The following ARHGAP24 variants were observed in gnomAD, a reference collection of about 807,000 sequenced individuals.
ARHGAP24 encodes rho GTPase-activating protein 24.
In ARHGAP24, 50 loss-of-function variants were observed where a neutral mutation model predicts 76.4. The ratio of observed to expected loss-of-function variants is 0.65; its 90% confidence interval spans 0.52 to 0.83. The LOEUF is 0.83. ARHGAP24 is among the 40% of genes least tolerant of loss of function. The pLI is 0.00. For synonymous variants in ARHGAP24, 345 were observed against 323.3 expected, an observed-to-expected ratio of 1.07 and a Z score of -0.72; for missense variants, 930 against 914.2, an observed-to-expected ratio of 1.02 and a Z score of -0.22.
chr4:85,531,469 G>A (rs1292570012), intron 1 of ARHGAP24, among the ~76,000 whole-genome samples: 1 of 151,880 alleles, frequency 6.6e-6, no homozygotes, highest in Non-Finnish European at 1.5e-5. Flanking sequence ...GACTTTCTAG[G>A]GACACCTTAT....
chr4:85,850,840 A>G (rs920187412), intron 3 of ARHGAP24, among the ~76,000 whole-genome samples: 6 of 152,144 alleles, frequency 3.9e-5, no homozygotes, highest in Non-Finnish European at 8.8e-5. Flanking sequence ...CTGTTCTTTT[A>G]CATTTGCTGA....
chr4:85,930,358 C>T, intron 4 of ARHGAP24: 1 of 986,546 alleles, frequency 1.0e-6, no homozygotes, highest in South Asian at 4.7e-5. Context: ...CAGGGGGGTC[C>T]TTTGAAAGAA....
Position 85,540,034 on chromosome 4 carries a change from G to C in ARHGAP24, c.-20-30488G>C, listed in dbSNP as rs578081623. ...CACTCCAGCCTAGGCAATGGAGTAA[G>C]CCTCTGTCTAAAAATAAATAAATAC... On this transcript the variant is annotated intron_variant, in intron 1 of 9. Transcript: ENST00000395184. Among the ~76,000 whole-genome samples the C allele has an allele frequency of 3.9e-5, 6 of 152,042 alleles. No individual in the cohort carries two copies. In the South Asian group the frequency reaches 1.2e-3, roughly 32 times the overall value.
chr4:85,629,416 T>C (rs1273545622), intron 2 of ARHGAP24, among the ~76,000 whole-genome samples: 2 of 152,208 alleles, frequency 1.3e-5, no homozygotes, highest in Non-Finnish European at 2.9e-5. Context: ...GTCTTCTGAA[T>C]TTGACTATAT....
At chr4:85,886,933 T>C (rs933970929) in intron 3 of ARHGAP24, among the ~76,000 whole-genome samples, 2 of 152,148 alleles carry the variant, frequency 1.3e-5, no homozygotes, top group South Asian at 2.1e-4. Flanking sequence ...GATTTTATTA[T>C]ATATAAGCTG....
At chr4:85,894,960 C>CAAAAAAAA (rs540459367) in intron 3 of ARHGAP24, among the ~76,000 whole-genome samples, 8 of 35,348 alleles carry the variant, frequency 2.3e-4, no homozygotes, top group East Asian at 6.7e-4. Context: ...GACTCCCTCT[C>CAAAAAAAA]AAAAAAAAAA....
chr4:85,540,511 T>G (rs1234613059), intron 1 of ARHGAP24, among the ~76,000 whole-genome samples: 2 of 152,208 alleles, frequency 1.3e-5, no homozygotes, highest in African/African-American at 2.4e-5. Flanking sequence ...TTCTATCAAT[T>G]TTATTGGAGC....
chr4:85,897,803 G>A (rs1421513936), intron 3 of ARHGAP24, among the ~76,000 whole-genome samples: 1 of 151,454 alleles, frequency 6.6e-6, no homozygotes, highest in African/African-American at 2.4e-5. Context: ...TTTTTCAATG[G>A]ATGGGCAGTC....
chr4:85,548,328 A>G (rs1725997013), intron 1 of ARHGAP24, among the ~76,000 whole-genome samples: 2 of 152,210 alleles, frequency 1.3e-5, no homozygotes, highest in South Asian at 2.1e-4. Context: ...ACTCGTTGCT[A>G]CTGATATGTT....
At chr4:85,903,274 G>C (rs1734600878) in intron 3 of ARHGAP24, among the ~76,000 whole-genome samples, 1 of 152,094 alleles carries the variant, frequency 6.6e-6, no homozygotes, top group African/African-American at 2.4e-5. Context: ...AAAATTTTCT[G>C]ATAAATGCTA....
intron 3 of ARHGAP24, among the ~76,000 whole-genome samples, chr4:85,731,389 CCTT>C (rs1327845129): frequency 6.6e-6 from 1 of 152,180 alleles, no homozygotes; most frequent in Non-Finnish European, 1.5e-5. Context: ...AGAAGAGACA[CCTT>C]CTATCCCTAC....
intron 3 of ARHGAP24, among the ~76,000 whole-genome samples, chr4:85,752,555 A>C (rs1726303882): frequency 6.6e-6 from 1 of 152,206 alleles, no homozygotes; most frequent in South Asian, 2.1e-4. Context: ...AAGGCACAGC[A>C]CTTTTTTTAC....
At chr4:85,941,878 A>T (rs1431159815) in intron 4 of ARHGAP24, among the ~76,000 whole-genome samples, 188 bp from the exon 5 acceptor site, 1 of 152,210 alleles carries the variant, frequency 6.6e-6, no homozygotes, top group South Asian at 2.1e-4. Flanking sequence ...AGGCAGCATA[A>T]GGTAAATCAT....
At chr4:85,595,965 T>C (rs1454049901) in intron 2 of ARHGAP24, among the ~76,000 whole-genome samples, 1 of 152,010 alleles carries the variant, frequency 6.6e-6, no homozygotes, top group Non-Finnish European at 1.5e-5. Context: ...CTGACTCTGC[T>C]CCAATCTCCA....
At chr4:85,754,951 G>A (rs1726418877) in intron 3 of ARHGAP24, among the ~76,000 whole-genome samples, 3 of 152,166 alleles carry the variant, frequency 2.0e-5, no homozygotes, top group Admixed American at 6.5e-5. Context: ...CAGATTAGGC[G>A]AAGCGTGTGA....
intron 1 of ARHGAP24, among the ~76,000 whole-genome samples, chr4:85,510,152 C>G (rs981380175): frequency 1.3e-5 from 2 of 152,102 alleles, no homozygotes; most frequent in Non-Finnish European, 2.9e-5. Context: ...ATACACTGCT[C>G]TTTTGTTTCA....
At chr4:85,821,346 CAT>C (rs1729462960) in intron 3 of ARHGAP24, among the ~76,000 whole-genome samples, 1 of 152,170 alleles carries the variant, frequency 6.6e-6, no homozygotes, top group East Asian at 1.9e-4. Context: ...TTAATGATAA[CAT>C]ATAATCCATA....
intron 4 of ARHGAP24, among the ~76,000 whole-genome samples, chr4:85,933,688 C>T (rs1326438043): frequency 6.6e-6 from 1 of 152,098 alleles, no homozygotes; most frequent in African/African-American, 2.4e-5. Flanking sequence ...TTTTCTTTAC[C>T]TCTATAATAT....
chr4:85,941,988 T>C (rs1379691074), intron 4 of ARHGAP24, 78 bp from the exon 5 acceptor site: 4 of 1,418,278 alleles, frequency 2.8e-6, no homozygotes, highest in African/African-American at 2.8e-5. Flanking sequence ...TTTTCTGTTA[T>C]ATTGAATTAA....
Sources: allele counts gnomAD v4.1 joint callset (sites outside exome capture counted in the v4.1 genomes callset), GRCh38; gene constraint gnomAD v4.1.1; transcripts MANE v1.5; gene names NCBI Gene and HGNC (gene_info 2026-07-23, HGNC 2026-07-21).